The following NFIX variants were observed in gnomAD, a reference collection of about 807,000 sequenced individuals.
The protein encoded by NFIX is nuclear factor 1 X-type.
Under a neutral mutation model 53.3 loss-of-function variants are expected in NFIX, and 2 were observed. That is an observed-to-expected ratio of 0.04 (90% CI 0.02 to 0.12). The LOEUF (loss-of-function observed/expected upper bound fraction) is 0.12, where lower values mean the gene tolerates loss of function less well. NFIX is among the 10% of genes least tolerant of loss of function. NFIX has a pLI of 1.00. For synonymous variants in NFIX, 244 were observed against 289.0 expected (o/e 0.84, Z 1.58); for missense variants, 310 against 674.5 (o/e 0.46, Z 5.99).
rs1368116908 is a variant in NFIX at position 13,028,799 on chromosome 19, G to C, written c.559+3247G>C. ...GGGTGAGCTGGGGAGGGCCAGGAGA[G>C]AGATCTCTGCTTGTGTGAGAAAGGA... is the stretch of plus-strand genomic sequence containing the variant. On this transcript the variant is annotated intron_variant, in intron 2 of 10. Coordinates refer to ENST00000592199, the MANE Select transcript of NFIX (RefSeq NM_001365902.3). The surrounding 1 kb of genome is among the most constrained non-coding windows in gnomAD (Gnocchi z 4.2). Among the ~76,000 whole-genome samples the C allele has an allele frequency of 1.3e-5, 2 of 152,172 alleles. No individual in the cohort carries two copies. The highest frequency in any genetic ancestry group is 2.9e-5 in the Non-Finnish European group (2 of 68,030).
chr19:13,033,336 G>T (rs1215462868), intron 2 of NFIX, among the ~76,000 whole-genome samples: 1 of 152,080 alleles, frequency 6.6e-6, no homozygotes, highest in Admixed American at 6.5e-5. Flanking sequence ...TGGATATCTC[G>T]TACCTTATTT....
intron 8 of NFIX, among the ~76,000 whole-genome samples, chr19:13,083,786 G>A (rs935092488): frequency 1.3e-5 from 2 of 152,254 alleles, no homozygotes; most frequent in Non-Finnish European, 2.9e-5. Flanking sequence ...CCCACGCCCG[G>A]CTTCTGGGAG....
chr19:13,059,777 CTTTTTTTTTTTTTT>C (rs35128120), intron 2 of NFIX, among the ~76,000 whole-genome samples: 39 of 60,344 alleles, frequency 6.5e-4, no homozygotes, highest in Admixed American at 1.6e-3. Context: ...AATTAGAATT[CTTTTTTTTTTTTTT>C]TTTTTTTTTT....
intron 2 of NFIX, among the ~76,000 whole-genome samples, chr19:13,055,081 T>C (rs1262326408): frequency 6.8e-6 from 1 of 147,332 alleles, no homozygotes; most frequent in Non-Finnish European, 1.5e-5. Context: ...GCTCTCCTAA[T>C]AATCCCCCCT....
chr19:13,087,404 C>G (rs1240227105), intron 8 of NFIX, among the ~76,000 whole-genome samples: 1 of 152,156 alleles, frequency 6.6e-6, no homozygotes, highest in African/African-American at 2.4e-5. Flanking sequence ...CAGGTCAGCA[C>G]CCTACCACCC....
At chr19:13,000,656 C>T (rs1363934252) in intron 1 of NFIX, among the ~76,000 whole-genome samples, 2 of 152,114 alleles carry the variant, frequency 1.3e-5, no homozygotes, top group Non-Finnish European at 2.9e-5. Context: ...TATGTGTGCA[C>T]GCATTCATCC....
At chr19:13,039,040 T>C (rs75413320) in intron 2 of NFIX, among the ~76,000 whole-genome samples, 10,186 of 152,180 alleles carry the variant, frequency 0.067, 449 homozygotes, top group Non-Finnish European at 0.11. Flanking sequence ...CATTGCTCCA[T>C]GGAGCAATAA....
intron 6 of NFIX, among the ~76,000 whole-genome samples, chr19:13,077,493 C>T (rs1238486485): frequency 6.6e-6 from 1 of 152,076 alleles, no homozygotes; most frequent in Admixed American, 6.5e-5. Context: ...GTAGGATGCT[C>T]CCCCCTCCCC....
intron 10 of NFIX, among the ~76,000 whole-genome samples, chr19:13,091,818 C>A (rs1236985475): frequency 6.6e-6 from 1 of 152,248 alleles, no homozygotes; most frequent in African/African-American, 2.4e-5. Flanking sequence ...CACAGCTCTG[C>A]GGTCGTGCGC....
At chr19:13,065,434 T>C (rs1264693905) in intron 2 of NFIX, among the ~76,000 whole-genome samples, 2 of 152,206 alleles carry the variant, frequency 1.3e-5, no homozygotes, top group Non-Finnish European at 2.9e-5. Flanking sequence ...CTGGGTCCAC[T>C]TGTTCCCTCC....
chr19:13,004,935 G>C (rs1205551548), intron 1 of NFIX, among the ~76,000 whole-genome samples: 12 of 151,764 alleles, frequency 7.9e-5, no homozygotes, highest in Admixed American at 7.9e-4. Context: ...TCATGCCTCA[G>C]CCTCCCGAGT....
At chr19:13,070,450 C>G (rs547458153) in intron 2 of NFIX, 49 of 152,692 alleles carry the variant, frequency 3.2e-4, no homozygotes, top group African/African-American at 1.1e-3. Flanking sequence ...ACTGTGCTGG[C>G]CAGCGGGGAG....
intron 2 of NFIX, among the ~76,000 whole-genome samples, chr19:13,034,526 AG>A (rs1423036469): frequency 6.6e-6 from 1 of 152,218 alleles, no homozygotes; most frequent in Non-Finnish European, 1.5e-5. Flanking sequence ...TAGAGGAGGC[AG>A]GAAGTCTAGG....
At position 13,073,380 on chromosome 19, in the gene NFIX, T is replaced by C; in HGVS notation, c.623-42T>C. The C allele has an allele frequency of 6.5e-7, 1 of 1,539,782 alleles. No individual in the cohort carries two copies. The highest frequency in any genetic ancestry group is 9.0e-7 in the Non-Finnish European group (1 of 1,112,332). On this transcript the variant is annotated intron_variant, in intron 3 of 10. Transcript: ENST00000592199. The surrounding 1 kb of genome is among the most constrained non-coding windows in gnomAD (Gnocchi z 4.5). Reference sequence around the variant, plus strand: ...CTTTGGAAATAGCCAGGCAGCCCCCTTCTGGCCTTGTCTTGACTCACTCAT... The same window carrying C: ...CTTTGGAAATAGCCAGGCAGCCCCCCTCTGGCCTTGTCTTGACTCACTCAT...
At chr19:13,082,105 C>A in intron 8 of NFIX, 1 of 518,192 alleles carries the variant, frequency 1.9e-6, no homozygotes, top group South Asian at 2.9e-5. Context: ...CAGTCAGGCT[C>A]CTTGCCTTTC....
At chr19:13,076,088 C>T (rs2017085443) in intron 6 of NFIX, among the ~76,000 whole-genome samples, 1 of 152,154 alleles carries the variant, frequency 6.6e-6, no homozygotes, top group South Asian at 2.1e-4. Flanking sequence ...TTAGCAGCAT[C>T]CCTGGCCTCC....
At chr19:13,062,692 C>T (rs2016169306) in intron 2 of NFIX, among the ~76,000 whole-genome samples, 1 of 152,176 alleles carries the variant, frequency 6.6e-6, no homozygotes, top group Admixed American at 6.5e-5. Flanking sequence ...TTCCAGCCTC[C>T]AGGTGGGAGA....
chr19:13,024,605 C>G (rs1272549267), intron 1 of NFIX: 1 of 1,536,092 alleles, frequency 6.5e-7, no homozygotes, highest in East Asian at 2.4e-5. Context: ...CCGGGGCGAG[C>G]TGACAGGAGT....
chr19:13,048,318 T>C (rs2015118146), intron 2 of NFIX, among the ~76,000 whole-genome samples: 1 of 152,152 alleles, frequency 6.6e-6, no homozygotes, highest in Non-Finnish European at 1.5e-5. Context: ...CTGGCTGCCC[T>C]CTGCTCCCTG....
Sources: gnomAD v4.1 joint callset for allele counts (sites outside exome capture counted in the v4.1 genomes callset) on GRCh38, gnomAD v4.1.1 for gene constraint, Gnocchi (gnomAD v3.1) non-coding constraint, MANE v1.5 for transcripts, NCBI Gene and HGNC (gene_info 2026-07-23, HGNC 2026-07-21) for gene names.